The following NLGN1 variants were observed in gnomAD, a reference collection of about 807,000 sequenced individuals.
NLGN1 encodes the protein neuroligin-1.
In NLGN1, 12 loss-of-function variants were observed where a neutral mutation model predicts 65.5. The observed-to-expected ratio is 0.18, with a 90% CI of 0.12 to 0.30. NLGN1 has a LOEUF of 0.30. Ranked by LOEUF, NLGN1 falls within the 10% of genes least tolerant of loss-of-function variation. The probability of loss-of-function intolerance (pLI) is 1.00; values close to 1 mark genes in which losing one functional copy is unlikely to be tolerated. For synonymous variants in NLGN1, 350 were observed against 359.5 expected (o/e 0.97, Z 0.30); for missense variants, 750 against 1,007.1 (o/e 0.74, Z 3.46).
At chr3:173,450,480 G>T (rs542071391) in intron 2 of NLGN1, among the ~76,000 whole-genome samples, 3,739 of 151,950 alleles carry the variant, frequency 0.025, 157 homozygotes, top group African/African-American at 0.082. Flanking sequence ...CCTTTCTCTC[G>T]GGCTGCCCTT....
At chr3:173,679,924 G>T (rs1345118744) in intron 3 of NLGN1, among the ~76,000 whole-genome samples, 4 of 152,178 alleles carry the variant, frequency 2.6e-5, no homozygotes, top group Non-Finnish European at 4.4e-5. Context: ...TCTTTGAAAA[G>T]TTCATGCCAA....
chr3:173,776,460 A>C (rs1780312332), intron 3 of NLGN1, among the ~76,000 whole-genome samples: 4 of 152,022 alleles, frequency 2.6e-5, no homozygotes, highest in Admixed American at 2.6e-4. Flanking sequence ...TAGTTTCCCT[A>C]CCATTAATAA....
intron 1 of NLGN1, among the ~76,000 whole-genome samples, chr3:173,426,359 T>G (rs1016631276): frequency 5.3e-5 from 8 of 152,084 alleles, no homozygotes; most frequent in Admixed American, 1.3e-4. Context: ...CTAAGACTTC[T>G]GCTATGATGT....
intron 4 of NLGN1, among the ~76,000 whole-genome samples, chr3:174,073,083 G>A (rs1340594275): frequency 6.6e-6 from 1 of 151,900 alleles, no homozygotes. Flanking sequence ...ATGTTTGTAT[G>A]ATATTGATAT....
Position 174,278,452 on chromosome 3 carries a change from G to C in NLGN1, c.860-409G>C, listed in dbSNP as rs1750990707. 4.6e-5 allele frequency among the ~76,000 whole-genome samples: 7 copies of C among 151,940 alleles called. No homozygotes were observed. The South Asian group carries it at 1.4e-3, about 31-fold the overall frequency. On this transcript the variant is annotated intron_variant, in intron 5 of 6. Coordinates refer to ENST00000457714, the Ensembl canonical transcript of NLGN1. ...GGAAGATGGACACAGCCAAACTGGA[G>C]GAAATATTCCAAACAGACAATGTAG...
downstream of NLGN1, among the ~76,000 whole-genome samples, chr3:174,291,189 G>T (rs933086799): frequency 2.7e-5 from 4 of 150,406 alleles, no homozygotes; most frequent in Non-Finnish European, 4.5e-5. Flanking sequence ...GTGAGCTGAG[G>T]GGGAGAGGAA....
At chr3:174,008,494 G>GC (rs1247908382) in intron 4 of NLGN1, among the ~76,000 whole-genome samples, 2 of 151,804 alleles carry the variant, frequency 1.3e-5, no homozygotes, top group African/African-American at 2.4e-5. Flanking sequence ...GTTCTCTTCT[G>GC]TTTTTTTCTC....
intron 4 of NLGN1, among the ~76,000 whole-genome samples, chr3:174,097,624 G>A (rs1745781994): frequency 6.6e-6 from 1 of 152,100 alleles, no homozygotes; most frequent in South Asian, 2.1e-4. Context: ...TGTGAATGTA[G>A]GGCACAATTA....
chr3:174,031,036 TG>T (rs1442382271), intron 4 of NLGN1, among the ~76,000 whole-genome samples: 1 of 152,244 alleles, frequency 6.6e-6, no homozygotes, highest in Non-Finnish European at 1.5e-5. Flanking sequence ...GGCTTACATA[TG>T]GAAGAGTAAA....
chr3:174,276,542 G>A (rs1265251774), intron 5 of NLGN1, among the ~76,000 whole-genome samples: 2 of 151,840 alleles, frequency 1.3e-5, no homozygotes, highest in Non-Finnish European at 2.9e-5. Flanking sequence ...TTCATGAAGT[G>A]TTTTAATTTG....
intron 4 of NLGN1, among the ~76,000 whole-genome samples, chr3:173,928,130 T>G (rs1743354939): frequency 6.6e-6 from 1 of 152,252 alleles, no homozygotes; most frequent in African/African-American, 2.4e-5. Context: ...AAACTTCTGA[T>G]TTTACAACCT....
At chr3:174,232,034 G>A (rs558129649) in intron 4 of NLGN1, among the ~76,000 whole-genome samples, 64 of 152,270 alleles carry the variant, frequency 4.2e-4, no homozygotes, top group Non-Finnish European at 8.5e-4. Flanking sequence ...GCTTTCATGC[G>A]CGTCTGTGTG....
chr3:173,821,526 AGT>A (rs1289899126), intron 4 of NLGN1, among the ~76,000 whole-genome samples: 5 of 152,160 alleles, frequency 3.3e-5, no homozygotes, highest in Non-Finnish European at 7.4e-5. Context: ...TTCAGTAGAT[AGT>A]GTTTTTCCTT....
Position 173,846,580 on chromosome 3 carries a change from G to A in NLGN1, c.646+38748G>A, listed in dbSNP as rs931542199. Among the ~76,000 whole-genome samples, 4 of 152,304 alleles carry A rather than the reference G, an allele frequency of 2.6e-5. No individual in the cohort carries two copies. In the East Asian group the frequency reaches 7.7e-4, roughly 29 times the overall value. On this transcript the variant is annotated intron_variant, in intron 4 of 6. Coordinates refer to ENST00000457714, the Ensembl canonical transcript of NLGN1. ...TCTGACCTGAAGAAATGGGGAATGT[G>A]ATTTCATGATGTGCCATCTGCTCCC...
intron 3 of NLGN1, among the ~76,000 whole-genome samples, chr3:173,757,894 A>G (rs1777379128): frequency 6.6e-6 from 1 of 152,062 alleles, no homozygotes; most frequent in South Asian, 2.1e-4. Context: ...AAAATACATG[A>G]TATAACAGTG....
At chr3:173,416,835 C>G (rs1019172337) in intron 1 of NLGN1, among the ~76,000 whole-genome samples, 4 of 152,022 alleles carry the variant, frequency 2.6e-5, no homozygotes, top group Non-Finnish European at 4.4e-5. Flanking sequence ...TAAAGTGAGT[C>G]TAATGTATTT....
At chr3:174,145,340 C>G (rs1282099794) in intron 4 of NLGN1, among the ~76,000 whole-genome samples, 1 of 151,682 alleles carries the variant, frequency 6.6e-6, no homozygotes, top group Non-Finnish European at 1.5e-5. Context: ...TGATGAAAAC[C>G]CTTCTCTACT....
chr3:173,993,797 A>G (rs536708305), intron 4 of NLGN1, among the ~76,000 whole-genome samples: 3 of 151,910 alleles, frequency 2.0e-5, no homozygotes, highest in Non-Finnish European at 4.4e-5. Flanking sequence ...GTATATATGT[A>G]TATAGTATTG....
intron 2 of NLGN1, among the ~76,000 whole-genome samples, chr3:173,488,818 G>C (rs1167666630): frequency 1.3e-5 from 2 of 151,154 alleles, no homozygotes; most frequent in Non-Finnish European, 2.9e-5. Flanking sequence ...AAAAGTCTCA[G>C]TCATTGCTTC....
Sources: gnomAD v4.1 joint callset for allele counts (sites outside exome capture counted in the v4.1 genomes callset) on GRCh38, gnomAD v4.1.1 for gene constraint, MANE v1.5 for transcripts, NCBI Gene and HGNC (gene_info 2026-07-23, HGNC 2026-07-21) for gene names.